Variants in DTL observed in about 807,000 individuals in gnomAD.
DTL encodes denticleless protein homolog.
In DTL, 46 loss-of-function variants were observed where a neutral mutation model predicts 87.0. The observed-to-expected ratio is 0.53, with a 90% CI of 0.42 to 0.68. DTL has a LOEUF of 0.68. Ranked by LOEUF, DTL falls within the 30% of genes least tolerant of loss-of-function variation. The pLI is 0.00. For synonymous variants in DTL, 308 were observed against 311.2 expected (o/e 0.99, Z 0.11); for missense variants, 737 against 869.4 (o/e 0.85, Z 1.91).
At chr1:212,040,402 G>GT (rs1667600537) in intron 1 of DTL, among the ~76,000 whole-genome samples, 3 of 152,152 alleles carry the variant, frequency 2.0e-5, no homozygotes, top group Non-Finnish European at 2.9e-5. Context: ...TGTATGCTGT[G>GT]TTTTTTACTA....
At chr1:212,088,968 C>A (rs1655207794) in intron 13 of DTL, among the ~76,000 whole-genome samples, 1 of 152,180 alleles carries the variant, frequency 6.6e-6, no homozygotes, top group Non-Finnish European at 1.5e-5. Context: ...CGCCTGTAAT[C>A]CCAGCTACTC....
intron 13 of DTL, among the ~76,000 whole-genome samples, chr1:212,098,696 G>A (rs116431526): frequency 0.011 from 1,683 of 152,014 alleles, 30 homozygotes; most frequent in African/African-American, 0.038. Flanking sequence ...GGGGAAAGCC[G>A]GCAGTGACAG....
At chr1:212,101,148 T>A in intron 14 of DTL, 64 bp downstream of exon 14, 4 of 1,045,352 alleles carry the variant, frequency 3.8e-6, no homozygotes, top group South Asian at 1.8e-5. Flanking sequence ...CCCAGATGTC[T>A]CAAGTCAGGA....
chr1:212,089,716 T>C (rs753485511), intron 13 of DTL, among the ~76,000 whole-genome samples: 9 of 152,210 alleles, frequency 5.9e-5, no homozygotes, highest in Non-Finnish European at 1.2e-4. Flanking sequence ...CCACTTCCTC[T>C]TTCACCATGA....
At position 212,064,926 on chromosome 1, in the gene DTL, A is replaced by T. The variant is rs1654446030; in HGVS notation, c.536A>T (p.Tyr179Phe). Residue 179 changes from tyrosine to phenylalanine, a missense_variant, in exon 7 of 15, where the codon TAT becomes TTT. Coordinates refer to ENST00000366991, the MANE Select transcript of DTL (RefSeq NM_016448.4). ...TTGGAATATCTTTCAGATGGGTTTT[A>T]TAGGCAAGTGAATCAAATCAGTGGA... Reference protein sequence around the residue: ...DTRCNKKDGFYRQVNQISGAH... With the variant: ...DTRCNKKDGFFRQVNQISGAH... 6.2e-7 allele frequency: 1 copy of T among 1,613,642 alleles called. No individual in the cohort carries two copies. Among genetic ancestry groups the T allele is most frequent in the Non-Finnish European group, 8.5e-7 (1 of 1,179,658 alleles).
rs1489941409 is a variant in DTL at position 212,100,936 on chromosome 1, T to C, written c.1946T>C (p.Met649Thr). ...AGACCTTGTGGAGAAGGGTCTGAAA[T>C]GGTAGGCAAAGAGAATAGTTCCCCA... ...PLRPCGEGSE[M>T]VGKENSSPEN... Residue 649 changes from methionine (M) to threonine (T), a missense_variant, in exon 14 of 15, where the codon ATG (methionine) becomes ACG (threonine). Met to Thr is a moderately conservative substitution (Grantham distance 81). Coordinates refer to ENST00000366991, the MANE Select transcript of DTL (RefSeq NM_016448.4). 1 of 1,614,066 alleles carries C rather than the reference T, an allele frequency of 6.2e-7. No individual in the cohort carries two copies. Among genetic ancestry groups the C allele is most frequent in the Admixed American group, 1.7e-5 (1 of 60,010 alleles).
chr1:212,088,916 A>G (rs937150919), intron 13 of DTL, among the ~76,000 whole-genome samples: 10 of 152,138 alleles, frequency 6.6e-5, no homozygotes, highest in Admixed American at 4.6e-4. Context: ...GCAAAACCCC[A>G]TCTCTACTAA....
At chr1:212,040,371 A>G (rs1174513951) in intron 1 of DTL, among the ~76,000 whole-genome samples, 1 of 152,252 alleles carries the variant, frequency 6.6e-6, no homozygotes, top group Admixed American at 6.5e-5. Context: ...CTTGAAGGAT[A>G]TGTTCCAAGA....
At chr1:212,073,000 C>T (rs865801565) in intron 11 of DTL, among the ~76,000 whole-genome samples, 15 of 152,140 alleles carry the variant, frequency 9.9e-5, no homozygotes, top group Middle Eastern at 3.4e-3. Context: ...CTCCTGACCT[C>T]GTGATCCGCC....
chr1:212,062,251 C>G (rs1283705767), intron 5 of DTL, among the ~76,000 whole-genome samples: 1 of 152,192 alleles, frequency 6.6e-6, no homozygotes, highest in Non-Finnish European at 1.5e-5. Flanking sequence ...CTCACTCTTT[C>G]ACACAGGAAG....
Position 212,080,703 on chromosome 1 carries a change from C to T in DTL, c.1214C>T (p.Thr405Met), listed in dbSNP as rs1328927692. Residue 405 changes from threonine (T) to methionine (M), a missense_variant, in exon 13 of 15, where the codon ACG (threonine) becomes ATG (methionine). Coordinates refer to ENST00000366991, the MANE Select transcript of DTL (RefSeq NM_016448.4). ...EEKPGGDKLS[T>M]VGWASQKKKE... ...AAACCAGGAGGTGATAAACTTTCCA[C>T]GGTGGGTTGGGCCTCTCAGAAGAAA... The T allele has an allele frequency of 2.7e-5, 43 of 1,613,614 alleles. No individual in the cohort carries two copies. Among genetic ancestry groups the T allele is most frequent in the Admixed American group, 3.3e-5 (2 of 59,998 alleles).
chr1:212,085,017 A>G (rs1459792670), intron 13 of DTL, among the ~76,000 whole-genome samples: 1 of 152,252 alleles, frequency 6.6e-6, no homozygotes, highest in Non-Finnish European at 1.5e-5. Context: ...CTGGTACAGT[A>G]TAAATGGTAT....
chr1:212,082,467 A>G (rs997289503), intron 13 of DTL, among the ~76,000 whole-genome samples: 1 of 152,288 alleles, frequency 6.6e-6, no homozygotes, highest in East Asian at 1.9e-4. Context: ...GATCGTATAG[A>G]GAGGGGGAGA....
chr1:212,066,732 C>A, intron 7 of DTL, 80 bp from the exon 8 acceptor site: 1 of 1,261,528 alleles, frequency 7.9e-7, no homozygotes, highest in South Asian at 1.3e-5. Flanking sequence ...GGAGAAAAGT[C>A]GTTTTTTAGC....
At chr1:212,057,362 A>G (rs1571951750) in intron 5 of DTL, among the ~76,000 whole-genome samples, 1 of 22,686 alleles carries the variant, frequency 4.4e-5, no homozygotes. Context: ...TGCTTAAAGA[A>G]AAAAAAAAAA....
chr1:212,059,870 T>C (rs1403159334), intron 5 of DTL, among the ~76,000 whole-genome samples: 2 of 150,776 alleles, frequency 1.3e-5, no homozygotes, highest in African/African-American at 4.9e-5. Context: ...AAATAGCATT[T>C]CTATACATCA....
At chr1:212,045,966 A>T (rs1348330061) in intron 3 of DTL, among the ~76,000 whole-genome samples, 10 of 151,644 alleles carry the variant, frequency 6.6e-5, no homozygotes, top group Non-Finnish European at 1.5e-5. Context: ...TTTGGTAGAG[A>T]TGGGGTTTCA....
intron 10 of DTL, among the ~76,000 whole-genome samples, chr1:212,069,809 G>T (rs1168116373): frequency 6.6e-6 from 1 of 152,128 alleles, no homozygotes; most frequent in African/African-American, 2.4e-5. Context: ...CTCCCAAAGT[G>T]CTGGGATTAC....
intron 7 of DTL, among the ~76,000 whole-genome samples, 165 bp downstream of exon 7, chr1:212,065,194 G>C (rs1340338837): frequency 4.0e-5 from 6 of 151,834 alleles, no homozygotes; most frequent in Admixed American, 3.9e-4. Flanking sequence ...TTTAATTTTT[G>C]GTTCTTCTGA....
Sources: gnomAD v4.1 joint callset for allele counts (sites outside exome capture counted in the v4.1 genomes callset) on GRCh38, gnomAD v4.1.1 for gene constraint, MANE v1.5 for transcripts, NCBI Gene and HGNC (gene_info 2026-07-23, HGNC 2026-07-21) for gene names.